TBC1D4: variants seen among roughly 807,000 people sequenced by gnomAD.
TBC1D4 encodes the protein TBC1 domain family member 4.
A neutral mutation model predicts 142.5 loss-of-function variants in TBC1D4; 121 were observed. The observed-to-expected ratio is 0.85, with a 90% CI of 0.73 to 0.99. The LOEUF (loss-of-function observed/expected upper bound fraction) is 0.99. TBC1D4 is among the 50% of genes least tolerant of loss of function. The pLI is 0.00. For synonymous variants in TBC1D4, 630 were observed against 628.2 expected, an observed-to-expected ratio of 1.00 and a Z score of -0.04; for missense variants, 1,475 against 1,606.6, an observed-to-expected ratio of 0.92 and a Z score of 1.40.
chr13:75,297,686 G>T (rs1161075416), intron 17 of TBC1D4, among the ~76,000 whole-genome samples: 1 of 151,862 alleles, frequency 6.6e-6, no homozygotes, highest in Non-Finnish European at 1.5e-5. Context: ...GAACCCAGGA[G>T]GTGGAGGTTG....
At chr13:75,315,326 A>G (rs1878192250) in intron 12 of TBC1D4, among the ~76,000 whole-genome samples, 2 of 150,318 alleles carry the variant, frequency 1.3e-5, no homozygotes, top group South Asian at 2.1e-4. Flanking sequence ...AAACAAAACA[A>G]AACAAAAAAC....
chr13:75,302,603 A>G, intron 15 of TBC1D4: 1 of 621,240 alleles, frequency 1.6e-6, no homozygotes, highest in Non-Finnish European at 2.8e-6. Flanking sequence ...GAAAACCCTC[A>G]CGCAACACTT....
chr13:75,296,103 A>C (rs1366191291), intron 17 of TBC1D4, among the ~76,000 whole-genome samples: 1 of 152,166 alleles, frequency 6.6e-6, no homozygotes, highest in Non-Finnish European at 1.5e-5. Context: ...TCCACAACAA[A>C]TATCTTTAGA....
intron 1 of TBC1D4, among the ~76,000 whole-genome samples, chr13:75,405,706 CT>C (rs1885306477): frequency 6.6e-6 from 1 of 152,188 alleles, no homozygotes; most frequent in Admixed American, 6.5e-5. Context: ...CCATGATCAT[CT>C]TTTATTACCA....
chr13:75,395,891 C>T (rs1333501725), intron 1 of TBC1D4, among the ~76,000 whole-genome samples: 1 of 152,058 alleles, frequency 6.6e-6, no homozygotes, highest in African/African-American at 2.4e-5. Context: ...AGTATCATGG[C>T]TCCACAAGCA....
In TBC1D4 at chr13:75,410,412, C is replaced by A. The variant is rs13378147; in HGVS notation, c.499-47805G>T. On this transcript the variant is annotated intron_variant, in intron 1 of 20. Transcript: ENST00000377636. ...CCTCAGAGCTGACCCTTAAATACCACAGCCCGTCACGCTAATGAATTATGC... is the reference window on the plus strand; with the variant it reads ...CCTCAGAGCTGACCCTTAAATACCAAAGCCCGTCACGCTAATGAATTATGC... Among the ~76,000 whole-genome samples, 606 of 152,252 alleles carry A rather than the reference C, an allele frequency of 4.0e-3. 7 individuals carry two copies. The highest frequency in any genetic ancestry group is 0.013 in the African/African-American group (532 of 41,542).
intron 1 of TBC1D4, among the ~76,000 whole-genome samples, chr13:75,404,453 A>G (rs985103145): frequency 3.9e-5 from 6 of 152,210 alleles, no homozygotes; most frequent in Non-Finnish European, 8.8e-5. Flanking sequence ...TGGCTGTGAC[A>G]GTTTCTCAGA....
chr13:75,438,260 A>G (rs1886879552), intron 1 of TBC1D4, among the ~76,000 whole-genome samples: 1 of 152,220 alleles, frequency 6.6e-6, no homozygotes, highest in Non-Finnish European at 1.5e-5. Context: ...AATAAAGCAA[A>G]TAAGCATCTC....
chr13:75,430,587 C>T (rs372493445), intron 1 of TBC1D4, among the ~76,000 whole-genome samples: 169 of 152,292 alleles, frequency 1.1e-3, no homozygotes, highest in African/African-American at 2.9e-3. Context: ...TCTTGTTAAG[C>T]GTCGTTGCTA....
chr13:75,393,948 AC>A lies in TBC1D4; in HGVS notation c.499-31342del, dbSNP rs1188604618. Among the ~76,000 whole-genome samples the A allele has an allele frequency of 2.6e-5, 4 of 151,994 alleles. No homozygotes were observed. The South Asian group carries it at 6.2e-4, about 24-fold the overall frequency. On this transcript the variant is annotated intron_variant, in intron 1 of 20. Coordinates refer to ENST00000377636, the MANE Select transcript of TBC1D4 (RefSeq NM_014832.5). ...GTCTCAAAAAAAAAAAAACAAAAAA[AC>A]AAAACTAAACTCTTTCTTGAGTAAT...
intron 1 of TBC1D4, among the ~76,000 whole-genome samples, chr13:75,439,501 G>T (rs1055614553): frequency 2.0e-5 from 3 of 152,168 alleles, no homozygotes; most frequent in Non-Finnish European, 4.4e-5. Context: ...AACAGAAATT[G>T]TAAACCACTA....
At chr13:75,469,979 G>A (rs1328996320) in intron 1 of TBC1D4, among the ~76,000 whole-genome samples, 1 of 152,164 alleles carries the variant, frequency 6.6e-6, no homozygotes, top group African/African-American at 2.4e-5. Context: ...TAACAAATGT[G>A]GAAGCCGTCA....
intron 1 of TBC1D4, among the ~76,000 whole-genome samples, chr13:75,368,285 G>T (rs1288973431): frequency 6.6e-6 from 1 of 152,114 alleles, no homozygotes; most frequent in Non-Finnish European, 1.5e-5. Context: ...AACATCAAAA[G>T]TCAAACCACT....
At position 75,415,527 on chromosome 13, in the gene TBC1D4, C is replaced by T. The variant is rs757913674; in HGVS notation, c.499-52920G>A. On this transcript the variant is annotated intron_variant, in intron 1 of 20. Transcript: ENST00000377636. ...CTACTTGGGAACACATATTAAATAA[C>T]AGACCACCAAATGTGCTTCTCGCAA... 1.4e-4 allele frequency among the ~76,000 whole-genome samples: 22 copies of T among 152,244 alleles called. 1 individual carries two copies. The highest frequency in any genetic ancestry group is 1.9e-4 in the East Asian group (1 of 5,202).
intron 1 of TBC1D4, among the ~76,000 whole-genome samples, chr13:75,421,936 C>T (rs1344989362): frequency 1.3e-5 from 2 of 152,156 alleles, no homozygotes; most frequent in South Asian, 4.1e-4. Context: ...AAAGATTGTG[C>T]ACTCAAATGC....
Position 75,337,026 on chromosome 13 carries a change from A to G in TBC1D4, c.1626T>C (p.Ser542=). The G allele has an allele frequency of 1.9e-6, 3 of 1,613,118 alleles. No individual in the cohort carries two copies. The highest frequency in any genetic ancestry group is 2.5e-6 in the Non-Finnish European group (3 of 1,179,374). The change falls in exon 8 of 21, where the codon AGT becomes AGC. Residue 542 remains serine, a synonymous_variant. Transcript: ENST00000377636. ...IGEGPSTISN[S]TIPENATSSG... is the part of the protein sequence containing the mutation. ...TGCTTGTTGCATTTTCTGGGATTGTACTATTTGAAATAGTCTAAAAAAAGA... is the reference window on the plus strand; with the variant it reads ...TGCTTGTTGCATTTTCTGGGATTGTGCTATTTGAAATAGTCTAAAAAAAGA...
rs368684377 is a variant in TBC1D4 at position 75,324,392 on chromosome 13, C to T, written c.2043G>A (p.Ser681=). The part of the protein sequence containing the change: ...QSSSEQCSNL[S]SVRRMYKESN... ...TCTCCTTGTACATGCGTCGAACTGA[C>T]GAAAGATTGCTGAGTACAGAAAATA... Residue 681 remains serine (S), a synonymous_variant, in exon 11 of 21, where the codon TCG becomes TCA. Coordinates refer to ENST00000377636, the MANE Select transcript of TBC1D4 (RefSeq NM_014832.5). 1.5e-4 allele frequency: 243 copies of T among 1,613,744 alleles called. No individual in the cohort carries two copies. The highest frequency in any genetic ancestry group is 5.6e-4 in the East Asian group (25 of 44,860).
At chr13:75,430,380 T>C (rs1490318567) in intron 1 of TBC1D4, among the ~76,000 whole-genome samples, 1 of 152,248 alleles carries the variant, frequency 6.6e-6, no homozygotes, top group East Asian at 1.9e-4. Context: ...GGTATTTTTG[T>C]GAATTCTAAA....
At chr13:75,393,976 C>T (rs184062876) in intron 1 of TBC1D4, among the ~76,000 whole-genome samples, 4 of 150,414 alleles carry the variant, frequency 2.7e-5, no homozygotes, top group Admixed American at 6.6e-5. Flanking sequence ...TTGAGTAATA[C>T]AGATATTTAT....
Sources: gnomAD v4.1 joint callset for allele counts (sites outside exome capture counted in the v4.1 genomes callset) on GRCh38, gnomAD v4.1.1 for gene constraint, MANE v1.5 for transcripts, NCBI Gene and HGNC (gene_info 2026-07-23, HGNC 2026-07-21) for gene names.